The following SPOCK3 variants were observed in gnomAD, a reference collection of about 807,000 sequenced individuals.
The protein encoded by SPOCK3 is testican-3.
A neutral mutation model predicts 56.6 loss-of-function variants in SPOCK3; 30 were observed. The observed-to-expected ratio is 0.53, with a 90% CI of 0.40 to 0.72. The LOEUF (loss-of-function observed/expected upper bound fraction) is 0.72, where lower values mean the gene tolerates loss of function less well. SPOCK3 is among the 30% of genes least tolerant of loss of function. The probability of loss-of-function intolerance (pLI) is 0.00; values close to 1 mark genes in which losing one functional copy is unlikely to be tolerated. For missense variants in SPOCK3, 527 were observed against 530.0 expected (o/e 0.99, Z 0.06); for synonymous variants, 196 against 183.3 (o/e 1.07, Z -0.56).
chr4:167,096,323 C>A (rs1000269280), intron 2 of SPOCK3, among the ~76,000 whole-genome samples: 1 of 151,822 alleles, frequency 6.6e-6, no homozygotes, highest in Non-Finnish European at 1.5e-5. Context: ...AATACTTTCT[C>A]GAATTTTTCT....
intron 4 of SPOCK3, among the ~76,000 whole-genome samples, chr4:166,956,088 A>G (rs1212095118): frequency 6.6e-6 from 1 of 151,816 alleles, no homozygotes; most frequent in Non-Finnish European, 1.5e-5. Context: ...CTTTTCCTCC[A>G]CCCAAATTCA....
chr4:166,830,286 T>G (rs933102307), intron 6 of SPOCK3, among the ~76,000 whole-genome samples: 31 of 152,238 alleles, frequency 2.0e-4, no homozygotes, highest in African/African-American at 7.0e-4. Context: ...ATTTATTTTG[T>G]CATTTCAGAA....
chr4:167,108,907 T>C (rs1230169525), intron 2 of SPOCK3, among the ~76,000 whole-genome samples: 1 of 138,634 alleles, frequency 7.2e-6, no homozygotes, highest in African/African-American at 2.7e-5. Context: ...TATCAAAATA[T>C]CTCATATACC....
intron 3 of SPOCK3, among the ~76,000 whole-genome samples, chr4:167,058,130 G>T (rs188739039): frequency 5.2e-4 from 79 of 152,220 alleles, no homozygotes; most frequent in East Asian, 1.5e-3. Context: ...ATTCAACATA[G>T]TGTTGGAAGT....
intron 2 of SPOCK3, among the ~76,000 whole-genome samples, chr4:167,066,859 C>T (rs968444320): frequency 6.6e-6 from 1 of 151,852 alleles, no homozygotes; most frequent in South Asian, 2.1e-4. Flanking sequence ...TATGGAGAAG[C>T]TAGTTTCCTG....
intron 4 of SPOCK3, among the ~76,000 whole-genome samples, chr4:166,974,946 G>T (rs979863728): frequency 3.9e-5 from 6 of 152,170 alleles, no homozygotes; most frequent in Admixed American, 2.0e-4. Flanking sequence ...CCCTCATAAA[G>T]AAATTAATTC....
intron 2 of SPOCK3, among the ~76,000 whole-genome samples, chr4:167,185,470 T>C (rs998169991): frequency 6.6e-6 from 1 of 152,148 alleles, no homozygotes; most frequent in Non-Finnish European, 1.5e-5. Flanking sequence ...CTTTTTTTTC[T>C]CATTCCTCTG....
At chr4:166,838,754 T>C (rs1427877640) in intron 6 of SPOCK3, among the ~76,000 whole-genome samples, 2 of 141,998 alleles carry the variant, frequency 1.4e-5, no homozygotes, top group African/African-American at 2.6e-5. Context: ...ATCGAGACTA[T>C]CCTGGCTAAT....
chr4:167,057,175 C>T (rs935729145), intron 3 of SPOCK3, among the ~76,000 whole-genome samples: 6 of 152,132 alleles, frequency 3.9e-5, no homozygotes, highest in Non-Finnish European at 8.8e-5. Context: ...GATTTCATAT[C>T]CAGCCAAACT....
chr4:166,989,248 T>C (rs988466099), intron 4 of SPOCK3, among the ~76,000 whole-genome samples: 2 of 152,090 alleles, frequency 1.3e-5, no homozygotes, highest in Non-Finnish European at 2.9e-5. Context: ...ATGACTAAAA[T>C]CTAGGTTTCT....
At chr4:166,868,784 A>T (rs746238825) in intron 6 of SPOCK3, among the ~76,000 whole-genome samples, 2 of 152,142 alleles carry the variant, frequency 1.3e-5, no homozygotes, top group Non-Finnish European at 2.9e-5. Flanking sequence ...TGCTATGTGT[A>T]CATTTCTCAA....
At position 166,805,486 on chromosome 4, in the gene SPOCK3, T is replaced by A. The variant is rs1254867506; in HGVS notation, c.590-13197A>T. Among the ~76,000 whole-genome samples, 8 of 152,180 alleles carry A rather than the reference T, an allele frequency of 5.3e-5. No homozygotes were observed. In the East Asian group the frequency reaches 1.5e-3, roughly 29 times the overall value. On this transcript the variant is annotated intron_variant, in intron 6 of 10. Coordinates refer to ENST00000357545, the MANE Select transcript of SPOCK3 (RefSeq NM_001040159.2). ...GATAGATTAGGTAAAGTCATGCAGA[T>A]CCATTCAGATTATTATTTTATCTGA...
intron 2 of SPOCK3, among the ~76,000 whole-genome samples, chr4:167,074,685 A>G (rs893038496): frequency 1.2e-4 from 18 of 151,954 alleles, no homozygotes; most frequent in African/African-American, 4.3e-4. Flanking sequence ...AAAAGCATGA[A>G]TACCAGAATG....
intron 2 of SPOCK3, among the ~76,000 whole-genome samples, chr4:167,081,329 G>C (rs927161113): frequency 6.6e-6 from 1 of 151,952 alleles, no homozygotes; most frequent in East Asian, 1.9e-4. Flanking sequence ...ACAATTGCTG[G>C]CATTTAACAC....
At chr4:167,015,217 C>A (rs1750503338) in intron 3 of SPOCK3, among the ~76,000 whole-genome samples, 1 of 152,062 alleles carries the variant, frequency 6.6e-6, no homozygotes, top group Non-Finnish European at 1.5e-5. Context: ...AACTACATCT[C>A]ATTTTCCCAA....
intron 2 of SPOCK3, among the ~76,000 whole-genome samples, chr4:167,106,866 A>G (rs530296679): frequency 2.0e-5 from 3 of 151,902 alleles, no homozygotes; most frequent in African/African-American, 4.8e-5. Context: ...AGTGGCTACT[A>G]TGAGCAAGCA....
chr4:166,949,971 C>T (rs1742321051), intron 4 of SPOCK3, among the ~76,000 whole-genome samples: 1 of 151,080 alleles, frequency 6.6e-6, no homozygotes, highest in African/African-American at 2.5e-5. Flanking sequence ...GTACCAGCCA[C>T]TGCAAAATCA....
Position 167,205,387 on chromosome 4 carries a change from A to AT in SPOCK3, c.189+28597dup, listed in dbSNP as rs536407938. 3.8e-3 allele frequency among the ~76,000 whole-genome samples: 163 copies of AT among 42,520 alleles called. 5 individuals carry two copies. Among genetic ancestry groups the AT allele is most frequent in the Admixed American group, 0.029 (60 of 2,078 alleles). The allele number at this position is 42,520 out of a possible 152,430, so 27.9% of individuals were successfully genotyped here. A position where few individuals can be genotyped will look rare whatever the true frequency, so the allele number is the denominator to read the frequency against. On this transcript the variant is annotated intron_variant, in intron 2 of 10. Transcript: ENST00000357545. ...TATATATTTTATATATATAATATAT[A>AT]TATTTTATATATAATATATTATATA... is the stretch of plus-strand genomic sequence containing the variant.
chr4:167,080,234 T>G (rs1386851036), intron 2 of SPOCK3, among the ~76,000 whole-genome samples: 2 of 152,084 alleles, frequency 1.3e-5, no homozygotes, highest in Non-Finnish European at 2.9e-5. Flanking sequence ...TTGCCATCAG[T>G]ATTGTCTGAC....
Sources: allele counts gnomAD v4.1 joint callset (sites outside exome capture counted in the v4.1 genomes callset), GRCh38; gene constraint gnomAD v4.1.1; transcripts MANE v1.5; gene names NCBI Gene and HGNC (gene_info 2026-07-23, HGNC 2026-07-21).